AMMECR1: variants seen among roughly 807,000 people sequenced by gnomAD.
AMMECR1 encodes nuclear protein AMMECR1.
A neutral mutation model predicts 22.5 loss-of-function variants in AMMECR1; 3 were observed. That is an observed-to-expected ratio of 0.13 (90% CI 0.06 to 0.35). The LOEUF (loss-of-function observed/expected upper bound fraction) is 0.35, where lower values mean the gene tolerates loss of function less well. Ranked by LOEUF, AMMECR1 falls within the 10% of genes least tolerant of loss-of-function variation. AMMECR1 has a pLI of 1.00. For missense variants in AMMECR1, 235 were observed against 278.7 expected (o/e 0.84, Z 1.12); for synonymous variants, 130 against 116.7 (o/e 1.11, Z -0.74).
At chrX:110,431,622 C>A (rs2068797464) in intron 1 of AMMECR1, among the ~76,000 whole-genome samples, 2 of 111,316 alleles carry the variant, frequency 1.8e-5, no homozygotes, top group South Asian at 7.7e-4. Context: ...TGGGAAAAAC[C>A]TTGGTATCCT....
chrX:110,433,606 C>T (rs988913434), intron 1 of AMMECR1, among the ~76,000 whole-genome samples: 1 of 111,740 alleles, frequency 8.9e-6, no homozygotes, highest in Admixed American at 9.5e-5. Flanking sequence ...AATATATACA[C>T]CCAAACACAT....
intron 2 of AMMECR1, among the ~76,000 whole-genome samples, chrX:110,424,555 C>T (rs1422686611): frequency 1.8e-5 from 2 of 111,870 alleles, no homozygotes; most frequent in African/African-American, 6.5e-5. Flanking sequence ...AACATTCACT[C>T]ACCAATCATT....
At chrX:110,415,399 G>A (rs1480478011) in intron 2 of AMMECR1, among the ~76,000 whole-genome samples, 2 of 112,265 alleles carry the variant, frequency 1.8e-5, no homozygotes, top group East Asian at 5.6e-4. Context: ...TAAGAGTTGT[G>A]TTAGAGTGGT....
chrX:110,321,134 A>T (rs1045132580), upstream of AMMECR1, among the ~76,000 whole-genome samples: 1 of 111,787 alleles, frequency 8.9e-6, no homozygotes, highest in Non-Finnish European at 1.9e-5. Flanking sequence ...TGTGAAAAAA[A>T]TTTTTTTACA....
chrX:110,313,628 A>G (rs2068034349), intron 1 of AMMECR1, among the ~76,000 whole-genome samples: 1 of 111,902 alleles, frequency 8.9e-6, no homozygotes, highest in Admixed American at 9.5e-5. Flanking sequence ...AATATAATTC[A>G]CCTTAAGGTA....
Position 110,343,458 on chromosome X carries a change from C to T in AMMECR1, c.-147-25609G>A, listed in dbSNP as rs368443297. Among the ~76,000 whole-genome samples the T allele has an allele frequency of 9.6e-4, 107 of 111,359 alleles. 2 individuals carry two copies. The East Asian group carries it at 0.028, about 29-fold the overall frequency. On this transcript the variant is annotated intron_variant, in intron 2 of 7. Coordinates refer to the AMMECR1 transcript ENST00000372057. ...AAGACAGGGATGCCCTCTCTCACCA[C>T]TCCTATTCAACACAGTGTTGGAAGT...
upstream of AMMECR1, among the ~76,000 whole-genome samples, chrX:110,322,547 CT>C (rs1466817848): frequency 1.8e-5 from 2 of 111,918 alleles, no homozygotes; most frequent in Non-Finnish European, 3.8e-5. Context: ...TCATTGTGTT[CT>C]GGGGCACCTA....
chrX:110,310,220 G>C (rs1465198782), intron 1 of AMMECR1, among the ~76,000 whole-genome samples: 1 of 111,912 alleles, frequency 8.9e-6, no homozygotes, highest in Non-Finnish European at 1.9e-5. Context: ...CACATAGTAA[G>C]AAATCTGATT....
chrX:110,403,491 T>C (rs5985467), intron 2 of AMMECR1, among the ~76,000 whole-genome samples: 1,233 of 110,786 alleles, frequency 0.011, 11 homozygotes, highest in Middle Eastern at 0.023. Flanking sequence ...CACATGCACA[T>C]GCCCGGATCC....
chrX:110,437,350 C>G (rs1177944215), intron 1 of AMMECR1, among the ~76,000 whole-genome samples: 1 of 112,246 alleles, frequency 8.9e-6, no homozygotes, highest in African/African-American at 3.2e-5. Flanking sequence ...TTGTACTGGA[C>G]ACTGTACTGG....
intron 2 of AMMECR1, among the ~76,000 whole-genome samples, chrX:110,379,749 C>G (rs1416254754): frequency 8.9e-6 from 1 of 111,976 alleles, no homozygotes; most frequent in South Asian, 3.8e-4. Flanking sequence ...TTTAGACAGA[C>G]TTCCCAATAC....
chrX:110,289,702 C>A (rs1602863494), intron 1 of AMMECR1, among the ~76,000 whole-genome samples: 2 of 112,001 alleles, frequency 1.8e-5, no homozygotes, highest in South Asian at 7.4e-4. Context: ...TCGTTAAATT[C>A]CTATTAGTCC....
chrX:110,286,631 C>T (rs2067881716), intron 1 of AMMECR1, among the ~76,000 whole-genome samples: 1 of 105,150 alleles, frequency 9.5e-6, no homozygotes, highest in Non-Finnish European at 2.0e-5. Flanking sequence ...GTGATTGTGC[C>T]ACTGCCCTCC....
upstream of AMMECR1, among the ~76,000 whole-genome samples, chrX:110,319,162 G>C (rs907190602): frequency 3.6e-5 from 4 of 112,342 alleles, no homozygotes; most frequent in Non-Finnish European, 7.5e-5. Flanking sequence ...ATATGAGTCA[G>C]TCCCTTTCTG....
At chrX:110,299,021 TTTAA>T (rs1427255583) in intron 1 of AMMECR1, among the ~76,000 whole-genome samples, 1 of 112,121 alleles carries the variant, frequency 8.9e-6, no homozygotes, top group African/African-American at 3.2e-5. Flanking sequence ...TTGTATTTCA[TTTAA>T]TTGAGAAATT....
intron 2 of AMMECR1, among the ~76,000 whole-genome samples, chrX:110,379,738 A>G (rs1316879213): frequency 8.9e-6 from 1 of 111,950 alleles, no homozygotes; most frequent in Admixed American, 9.5e-5. Context: ...ACCATTTTTC[A>G]TTTAGACAGA....
At chrX:110,279,702 A>G (rs1378252150) in intron 1 of AMMECR1, among the ~76,000 whole-genome samples, 1 of 112,206 alleles carries the variant, frequency 8.9e-6, no homozygotes, top group Non-Finnish European at 1.9e-5. Flanking sequence ...GGTTATGAAT[A>G]TATCAACTTT....
intron 1 of AMMECR1, among the ~76,000 whole-genome samples, chrX:110,268,937 C>A (rs2148201027): frequency 8.9e-6 from 1 of 111,832 alleles, no homozygotes; most frequent in East Asian, 2.8e-4. Flanking sequence ...GAAGAGGGCT[C>A]AAAATGAGAT....
intron 2 of AMMECR1, among the ~76,000 whole-genome samples, chrX:110,257,808 G>A (rs774681905): frequency 1.8e-5 from 2 of 111,477 alleles, no homozygotes; most frequent in Admixed American, 9.5e-5. Flanking sequence ...CAATTATTTC[G>A]ATAACTTCTT....
Sources: allele counts gnomAD v4.1 joint callset (sites outside exome capture counted in the v4.1 genomes callset), GRCh38; gene constraint gnomAD v4.1.1; transcripts MANE v1.5; gene names NCBI Gene and HGNC (gene_info 2026-07-23, HGNC 2026-07-21).